Variants in HEPHL1 observed in about 807,000 individuals in gnomAD.
HEPHL1 encodes the protein ferroxidase HEPHL1.
A neutral mutation model predicts 122.0 loss-of-function variants in HEPHL1; 123 were observed. That is an observed-to-expected ratio of 1.01 (90% confidence interval 0.87 to 1.17). The LOEUF (loss-of-function observed/expected upper bound fraction) is 1.17, where lower values mean the gene tolerates loss of function less well. Among genes scored for constraint, HEPHL1 ranks in the 50% most tolerant of loss-of-function variants. The probability of loss-of-function intolerance (pLI) is 0.00; values close to 1 mark genes in which losing one functional copy is unlikely to be tolerated. For synonymous variants in HEPHL1, 527 were observed against 508.9 expected (o/e 1.04, Z -0.48); for missense variants, 1,452 against 1,430.5 (o/e 1.01, Z -0.24).
At chr11:94,078,475 A>ATATATATATATG (rs1252242788) in intron 9 of HEPHL1, among the ~76,000 whole-genome samples, 1 of 147,534 alleles carries the variant, frequency 6.8e-6, no homozygotes, top group African/African-American at 2.5e-5. Context: ...ATATATATAT[A>ATATATATATATG]TGGAGAAAGA....
chr11:94,087,392 GT>G (rs1051194897), intron 11 of HEPHL1, among the ~76,000 whole-genome samples: 1 of 152,060 alleles, frequency 6.6e-6, no homozygotes, highest in Admixed American at 6.6e-5. Flanking sequence ...TCACAACAGT[GT>G]TTTCCAGTTT....
In HEPHL1 at chr11:94,093,518, T is replaced by C. The variant is rs765215513; in HGVS notation, c.2312T>C (p.Met771Thr). 1 of 1,613,414 alleles carries C rather than the reference T, an allele frequency of 6.2e-7. No individual in the cohort carries two copies. Among genetic ancestry groups the C allele is most frequent in the Non-Finnish European group, 8.5e-7 (1 of 1,179,756 alleles). The change falls in exon 13 of 20, where the codon ATG (methionine) becomes ACG (threonine). Residue 771 changes from methionine (M) to threonine (T), a missense_variant. Transcript: ENST00000315765. Reference sequence around the variant, plus strand: ...ATTTGCAGACATGGAGATATATTTATGAACCGCACTGAAAATTGGATTGGC... The same window carrying C: ...ATTTGCAGACATGGAGATATATTTACGAACCGCACTGAAAATTGGATTGGC... ...ARGERHGDIF[M>T]NRTENWIGSQ... is the part of the protein sequence containing the mutation.
At position 94,070,406 on chromosome 11, in the gene HEPHL1, T is replaced by C. The variant is rs777377629; in HGVS notation, c.1096T>C (p.Cys366Arg). The change falls in exon 6 of 20, where the codon TGC (cysteine) becomes CGC (arginine). Residue 366 changes from cysteine to arginine, a missense_variant. Cys to Arg is a radical substitution (Grantham distance 180, BLOSUM62 -3). Transcript: ENST00000315765. ...GCTGGGGCAATACAATGTTGATAAC[T>C]GCAAAAGTGATATTTTCTACCCCAA... ...GMLGQYNVDN[C>R]KSDIFYPKMK... 1 of 1,601,976 alleles carries C rather than the reference T, an allele frequency of 6.2e-7. No homozygotes were observed. Among genetic ancestry groups the C allele is most frequent in the Non-Finnish European group, 8.5e-7 (1 of 1,173,636 alleles).
chr11:94,093,979 T>TATATAG (rs1565360485), intron 13 of HEPHL1, among the ~76,000 whole-genome samples: 1 of 58,162 alleles, frequency 1.7e-5, no homozygotes, highest in Non-Finnish European at 3.1e-5. Flanking sequence ...CAGATATATA[T>TATATAG]ATATATATAT....
intron 13 of HEPHL1, among the ~76,000 whole-genome samples, chr11:94,098,633 G>A (rs149467798): frequency 2.0e-4 from 31 of 152,192 alleles, no homozygotes; most frequent in African/African-American, 6.3e-4. Flanking sequence ...CATTCTCCTC[G>A]TCACTTTCAG....
chr11:94,078,446 C>T (rs980234244), intron 9 of HEPHL1, among the ~76,000 whole-genome samples: 6 of 111,550 alleles, frequency 5.4e-5, no homozygotes, highest in South Asian at 2.8e-4. Context: ...TCAGATGTTC[C>T]ATATATATAT....
intron 13 of HEPHL1, among the ~76,000 whole-genome samples, chr11:94,100,301 C>T (rs534751018): frequency 9.2e-5 from 14 of 152,302 alleles, no homozygotes; most frequent in African/African-American, 3.4e-4. Flanking sequence ...GCCAGACCAC[C>T]AACTGTCAGT....
chr11:94,051,138 G>A (rs7946162), intron 2 of HEPHL1, among the ~76,000 whole-genome samples: 88,419 of 151,864 alleles, frequency 0.58, 25,908 homozygotes, highest in South Asian at 0.68. Context: ...TCCTTTTTGG[G>A]GGGTACATTA....
At chr11:94,037,581 A>G (rs1945738150) in intron 1 of HEPHL1, among the ~76,000 whole-genome samples, 1 of 152,166 alleles carries the variant, frequency 6.6e-6, no homozygotes, top group Non-Finnish European at 1.5e-5. Flanking sequence ...AAGCAGCCTA[A>G]CTGGGAGGCA....
intron 9 of HEPHL1, 54 bp downstream of exon 9, chr11:94,075,439 G>A (rs543426692): frequency 3.0e-4 from 332 of 1,124,736 alleles, no homozygotes; most frequent in African/African-American, 2.4e-3. Context: ...GGAGAGATCC[G>A]CAAGAGCCAG....
intron 12 of HEPHL1, among the ~76,000 whole-genome samples, chr11:94,093,291 G>A (rs913145061): frequency 2.6e-5 from 4 of 152,028 alleles, no homozygotes; most frequent in Admixed American, 1.3e-4. Flanking sequence ...CTGGTGCTGG[G>A]CTGCCCATAT....
At chr11:94,034,932 G>A (rs1456754142) in intron 1 of HEPHL1, among the ~76,000 whole-genome samples, 1 of 152,224 alleles carries the variant, frequency 6.6e-6, no homozygotes, top group African/African-American at 2.4e-5. Context: ...CAGGTATGAT[G>A]AAAAGGAATC....
rs1310375740 is a variant in HEPHL1 at position 94,063,689 on chromosome 11, G to T, written c.597G>T (p.Gly199=). ...HIDAPKDICS[G]LIGPLLVCKE... ...ACGCCCCAAAGGACATCTGCTCTGG[G>T]CTAATTGGGCCCCTGCTGGTCTGCA... is the stretch of plus-strand genomic sequence containing the variant. The change falls in exon 3 of 20, where the codon GGG becomes GGT. Residue 199 remains glycine, a synonymous_variant. Coordinates refer to ENST00000315765, the MANE Select transcript of HEPHL1 (RefSeq NM_001098672.2). The T allele has an allele frequency of 1.9e-6, 3 of 1,613,776 alleles. No homozygotes were observed. The highest frequency in any genetic ancestry group is 2.5e-6 in the Non-Finnish European group (3 of 1,179,800).
chr11:94,082,445 C>T lies in HEPHL1; in HGVS notation c.1744C>T (p.Leu582=), dbSNP rs1565357362. The T allele has an allele frequency of 2.5e-6, 4 of 1,611,408 alleles. No individual in the cohort carries two copies. Among genetic ancestry groups the T allele is most frequent in the Non-Finnish European group, 3.4e-6 (4 of 1,178,184 alleles). Residue 582 remains leucine (L), a synonymous_variant, in exon 10 of 20, where the codon CTG becomes TTG. Transcript: ENST00000315765. ...QKGIDKEFYL[L]FTVFDENLSR... ...AGGAATAGACAAGGAGTTTTACCTA[C>T]TGTTCACAGTCTTTGATGAGAATCT...
chr11:94,094,266 G>A (rs1946291311), intron 13 of HEPHL1, among the ~76,000 whole-genome samples: 1 of 151,632 alleles, frequency 6.6e-6, no homozygotes, highest in Non-Finnish European at 1.5e-5. Context: ...TTTTGTCCTT[G>A]CGATAGTTTG....
intron 10 of HEPHL1, 44 bp from the exon 11 acceptor site, chr11:94,085,933 C>T (rs1427932170): frequency 7.2e-7 from 1 of 1,387,336 alleles, no homozygotes; most frequent in Non-Finnish European, 1.0e-6. Context: ...TCCCCTGCCC[C>T]ATACACACTG....
Position 94,070,503 on chromosome 11 carries a change from A to G in HEPHL1, c.1193A>G (p.Tyr398Cys), listed in dbSNP as rs1169234754. 6.2e-7 allele frequency: 1 copy of G among 1,611,382 alleles called. No individual in the cohort carries two copies. The highest frequency in any genetic ancestry group is 2.2e-5 in the East Asian group (1 of 44,816). The change falls in exon 6 of 20, where the codon TAT becomes TGT. Residue 398 changes from tyrosine (Y) to cysteine (C), a missense_variant. Tyr to Cys is a radical substitution (Grantham distance 194, BLOSUM62 -2). Transcript: ENST00000315765. ...KILWDYAPQGYNKFSGLPLNA... is the reference protein window; with the variant it reads ...KILWDYAPQGCNKFSGLPLNA... ...CTTTGGGATTATGCTCCTCAAGGCT[A>G]TAACAAATTCAGTGGTCTTCCTCTA...
In HEPHL1 at chr11:94,088,857, G is replaced by A. The variant is rs772646300; in HGVS notation, c.2183G>A (p.Arg728Gln). The change falls in exon 12 of 20, where the codon CGG (arginine) becomes CAG (glutamine). Residue 728 changes from arginine to glutamine, a missense_variant. Coordinates refer to ENST00000315765, the MANE Select transcript of HEPHL1 (RefSeq NM_001098672.2). The part of the protein sequence containing the change: ...SCDNRDPSEQ[R>Q]YGMIRTFYIA... ...GACAACAGGGACCCTTCTGAGCAGC[G>A]GTACGGGATGATAAGAACTTTTTAC... is the stretch of plus-strand genomic sequence containing the variant. 6.8e-6 allele frequency: 11 copies of A among 1,613,970 alleles called. No homozygotes were observed. Among genetic ancestry groups the A allele is most frequent in the South Asian group, 1.1e-5 (1 of 91,084 alleles).
At chr11:94,039,333 A>G (rs1945753704) in intron 1 of HEPHL1, among the ~76,000 whole-genome samples, 1 of 151,970 alleles carries the variant, frequency 6.6e-6, no homozygotes, top group African/African-American at 2.4e-5. Context: ...GTCAACAAGG[A>G]TACCCAGGAA....
Sources: allele counts gnomAD v4.1 joint callset (sites outside exome capture counted in the v4.1 genomes callset), GRCh38; gene constraint gnomAD v4.1.1; transcripts MANE v1.5; gene names NCBI Gene and HGNC (gene_info 2026-07-23, HGNC 2026-07-21).